ANKRD28: variants seen among roughly 807,000 people sequenced by gnomAD.
ANKRD28 encodes ankyrin repeat domain 28, also known as serine/threonine-protein phosphatase 6 regulatory ankyrin repeat subunit A.
In ANKRD28, 44 loss-of-function variants were observed where a neutral mutation model predicts 126.5. The observed-to-expected ratio is 0.35, with a 90% confidence interval of 0.27 to 0.45. ANKRD28 has a LOEUF of 0.45. ANKRD28 is among the 20% of genes least tolerant of loss of function. The probability of loss-of-function intolerance (pLI) is 1.00; values close to 1 mark genes in which losing one functional copy is unlikely to be tolerated. For missense variants in ANKRD28, 1,110 were observed against 1,316.6 expected, an observed-to-expected ratio of 0.84 and a Z score of 2.43; for synonymous variants, 442 against 468.5, an observed-to-expected ratio of 0.94 and a Z score of 0.73.
intron 9 of ANKRD28, 105 bp downstream of exon 9, chr3:15,714,472 CA>C: frequency 1.3e-6 from 1 of 776,582 alleles, no homozygotes; most frequent in Non-Finnish European, 1.9e-6. Context: ...TAAAAATACA[CA>C]AAATGCGATG....
At chr3:15,727,713 G>GAAATAACT (rs1268923399) in intron 6 of ANKRD28, among the ~76,000 whole-genome samples, 7 of 152,066 alleles carry the variant, frequency 4.6e-5, no homozygotes, top group African/African-American at 1.7e-4. Context: ...TTCAGCGAAG[G>GAAATAACT]AAATAACTAC....
At chr3:15,757,805 C>T (rs1295272662) in intron 3 of ANKRD28, among the ~76,000 whole-genome samples, 1 of 152,188 alleles carries the variant, frequency 6.6e-6, no homozygotes, top group African/African-American at 2.4e-5. Context: ...TAAGACACCT[C>T]ACTCTAACAT....
chr3:15,703,163 AGATT>A (rs1400174917), intron 14 of ANKRD28, among the ~76,000 whole-genome samples: 2 of 152,254 alleles, frequency 1.3e-5, no homozygotes, highest in African/African-American at 2.4e-5. Context: ...AAAAATTTAA[AGATT>A]GATTTTGGTA....
At chr3:15,773,822 T>C (rs2059133318) in intron 2 of ANKRD28, among the ~76,000 whole-genome samples, 1 of 152,118 alleles carries the variant, frequency 6.6e-6, no homozygotes, top group Non-Finnish European at 1.5e-5. Context: ...CTTGTAGATA[T>C]TAAAAAGCTA....
upstream of ANKRD28, among the ~76,000 whole-genome samples, chr3:15,798,735 G>A (rs2060384298): frequency 6.6e-6 from 1 of 151,862 alleles, no homozygotes; most frequent in South Asian, 2.1e-4. Context: ...ATTTCCCAAA[G>A]CCATAAATAA....
At chr3:15,724,349 C>T (rs2074006343) in intron 7 of ANKRD28, 33 bp downstream of exon 7, 1 of 1,540,120 alleles carries the variant, frequency 6.5e-7, no homozygotes, top group South Asian at 1.2e-5. Flanking sequence ...AAAAGGGTTC[C>T]ATAATTTTAT....
At chr3:15,811,314 T>C (rs1251109607) in intron 1 of ANKRD28, among the ~76,000 whole-genome samples, 2 of 152,130 alleles carry the variant, frequency 1.3e-5, no homozygotes, top group Admixed American at 6.5e-5. Context: ...ACTCAACTCA[T>C]TTAAGTAGGG....
intron 1 of ANKRD28, among the ~76,000 whole-genome samples, chr3:15,827,697 A>G (rs1350174649): frequency 4.6e-5 from 7 of 152,202 alleles, no homozygotes. Context: ...TTCCTTGGCT[A>G]TGGCACCAGA....
chr3:15,793,230 T>A (rs2125799222), intron 2 of ANKRD28, among the ~76,000 whole-genome samples: 1 of 152,280 alleles, frequency 6.6e-6, no homozygotes, highest in East Asian at 1.9e-4. Flanking sequence ...CCCATATGAT[T>A]CCTTATCAGA....
chr3:15,821,171 GA>G (rs2060934594), intron 1 of ANKRD28, among the ~76,000 whole-genome samples: 1 of 152,118 alleles, frequency 6.6e-6, no homozygotes, highest in African/African-American at 2.4e-5. Context: ...GTCCCCTGGA[GA>G]ACAATAACAC....
chr3:15,786,876 C>T (rs1388783778), intron 2 of ANKRD28, among the ~76,000 whole-genome samples: 1 of 152,042 alleles, frequency 6.6e-6, no homozygotes, highest in Non-Finnish European at 1.5e-5. Flanking sequence ...ACTAAAATTG[C>T]TTTAAATACT....
intron 2 of ANKRD28, among the ~76,000 whole-genome samples, chr3:15,779,339 G>C (rs1026386632): frequency 6.6e-6 from 1 of 152,002 alleles, no homozygotes; most frequent in African/African-American, 2.4e-5. Context: ...CATAGTAACT[G>C]GCACATATTA....
rs546389175 is a variant in ANKRD28 at position 15,790,422 on chromosome 3, T to A, written c.201+4801A>T. 5.9e-5 allele frequency among the ~76,000 whole-genome samples: 9 copies of A among 152,016 alleles called. No individual in the cohort carries two copies. In the East Asian group the frequency reaches 1.7e-3, roughly 29 times the overall value. ...ATACTAGCACAACTGAATTCAACAA[T>A]ATATTAGAAAGATCATTCATCATGA... On this transcript the variant is annotated intron_variant, in intron 2 of 27. Coordinates refer to ENST00000683139, the MANE Select transcript of ANKRD28 (RefSeq NM_001349278.2).
chr3:15,729,952 G>A (rs933921952), intron 6 of ANKRD28, among the ~76,000 whole-genome samples: 1 of 152,134 alleles, frequency 6.6e-6, no homozygotes, highest in Non-Finnish European at 1.5e-5. Context: ...GCAGTGGTGC[G>A]ATCACAGCTC....
At chr3:15,708,252 CT>C (rs1575292048) in intron 13 of ANKRD28, among the ~76,000 whole-genome samples, 188 bp from the exon 14 acceptor site, 1 of 152,124 alleles carries the variant, frequency 6.6e-6, no homozygotes, top group East Asian at 1.9e-4. Context: ...GGCAGAGAAC[CT>C]TTAAGTATAT....
chr3:15,730,746 A>C (rs2074524702), intron 6 of ANKRD28, among the ~76,000 whole-genome samples: 3 of 152,190 alleles, frequency 2.0e-5, no homozygotes, highest in Admixed American at 2.0e-4. Flanking sequence ...ATAATTATAA[A>C]TCTCTGCCTA....
chr3:15,695,428 G>C (rs2069394816), intron 15 of ANKRD28, among the ~76,000 whole-genome samples: 1 of 152,034 alleles, frequency 6.6e-6, no homozygotes, highest in Non-Finnish European at 1.5e-5. Flanking sequence ...CCATAACGTA[G>C]GAAAATAGTT....
chr3:15,808,394 T>C (rs924038967), intron 1 of ANKRD28, among the ~76,000 whole-genome samples: 3 of 152,226 alleles, frequency 2.0e-5, no homozygotes, highest in Admixed American at 6.5e-5. Flanking sequence ...CCTTATCCCC[T>C]GGCTTTCTAC....
At chr3:15,711,595 A>C (rs1435904111) in intron 11 of ANKRD28, among the ~76,000 whole-genome samples, 2 of 152,220 alleles carry the variant, frequency 1.3e-5, no homozygotes, top group East Asian at 3.8e-4. Context: ...TATAGAGATG[A>C]AAAGTAGATT....
Sources: allele counts gnomAD v4.1 joint callset (sites outside exome capture counted in the v4.1 genomes callset), GRCh38; gene constraint gnomAD v4.1.1; transcripts MANE v1.5; gene names NCBI Gene and HGNC (gene_info 2026-07-23, HGNC 2026-07-21).